Variants in MDGA2 observed in about 807,000 individuals in gnomAD.
MDGA2 encodes the protein MAM domain-containing glycosylphosphatidylinositol anchor protein 2.
A neutral mutation model predicts 117.8 loss-of-function variants in MDGA2; 40 were observed. That is an observed-to-expected ratio of 0.34 (90% CI 0.26 to 0.44). The LOEUF is 0.44. Among genes scored for constraint, MDGA2 ranks in the 20% least tolerant of loss-of-function variants. MDGA2 has a pLI of 1.00. For missense variants in MDGA2, 1,123 were observed against 1,250.6 expected, an observed-to-expected ratio of 0.90 and a Z score of 1.54; for synonymous variants, 452 against 439.0, an observed-to-expected ratio of 1.03 and a Z score of -0.37.
chr14:47,287,710 C>T (rs1195205810), intron 2 of MDGA2, among the ~76,000 whole-genome samples: 2 of 152,054 alleles, frequency 1.3e-5, no homozygotes, highest in Non-Finnish European at 2.9e-5. Flanking sequence ...TGATTATGTG[C>T]CCCTAAAGCA....
intron 8 of MDGA2, among the ~76,000 whole-genome samples, chr14:47,029,465 C>T (rs1330174728): frequency 1.3e-5 from 2 of 152,142 alleles, no homozygotes; most frequent in Non-Finnish European, 2.9e-5. Flanking sequence ...TAACATCTGT[C>T]TTTGGTTTTT....
intron 1 of MDGA2, among the ~76,000 whole-genome samples, chr14:47,467,100 C>A (rs1279991239): frequency 6.6e-6 from 1 of 152,032 alleles, no homozygotes; most frequent in Non-Finnish European, 1.5e-5. Context: ...GAACCAGAAT[C>A]ATAAATTACT....
chr14:47,314,074 A>G (rs1400727021), intron 1 of MDGA2, among the ~76,000 whole-genome samples: 5 of 152,292 alleles, frequency 3.3e-5, no homozygotes, highest in East Asian at 1.9e-4. Flanking sequence ...TGTGAAGTGT[A>G]TAGAGATTGA....
At chr14:47,212,623 T>G (rs755025115) in intron 3 of MDGA2, among the ~76,000 whole-genome samples, 4 of 152,176 alleles carry the variant, frequency 2.6e-5, no homozygotes, top group Non-Finnish European at 5.9e-5. Flanking sequence ...ATTGTCTTAC[T>G]GATTTCTTCT....
intron 2 of MDGA2, among the ~76,000 whole-genome samples, chr14:47,255,147 C>A (rs185549772): frequency 5.3e-5 from 8 of 152,152 alleles, no homozygotes; most frequent in Admixed American, 1.3e-4. Flanking sequence ...TTTAATTTTG[C>A]AAGAAAACAG....
intron 7 of MDGA2, among the ~76,000 whole-genome samples, chr14:47,041,677 T>C (rs1889076299): frequency 6.6e-6 from 1 of 152,028 alleles, no homozygotes. Context: ...TGCTTTTCTG[T>C]CAACTTTTCC....
rs557379157 is a variant in MDGA2, at chr14:47,030,108, G to T, written c.1819+4903C>A. On this transcript the variant is annotated intron_variant, in intron 8 of 16. Transcript: ENST00000399232. ...CCCAGAGCGCTGGGATTACAGGTGT[G>T]AGCCACCCCCCGCCCACATATCCTG... 5.9e-5 allele frequency among the ~76,000 whole-genome samples: 9 copies of T among 152,108 alleles called. No individual in the cohort carries two copies. In the East Asian group the frequency reaches 1.7e-3, roughly 30 times the overall value.
At chr14:47,528,221 C>T (rs547925538) in intron 1 of MDGA2, among the ~76,000 whole-genome samples, 5 of 152,272 alleles carry the variant, frequency 3.3e-5, no homozygotes, top group Admixed American at 2.6e-4. Flanking sequence ...TACCTAAACA[C>T]GGCACTGCTA....
rs1566530341 is a variant in MDGA2, at chr14:46,929,634, TATATATATATATACA to T, written c.2090-9489_2090-9475del. Reference sequence around the variant, plus strand: ...ATATATATATATATATATATATATATATATATATATATACATTTTTTTTTTTTTTTTTTCGAGATG... The same window carrying T: ...ATATATATATATATATATATATATATTTTTTTTTTTTTTTTTTTCGAGATG... On this transcript the variant is annotated intron_variant, in intron 9 of 16. Coordinates refer to ENST00000399232, the MANE Select transcript of MDGA2 (RefSeq NM_001113498.3). Among the ~76,000 whole-genome samples the T allele has an allele frequency of 6.2e-3, 248 of 40,086 alleles. 12 individuals are homozygous for T. Among genetic ancestry groups the T allele is most frequent in the Non-Finnish European group, 8.6e-3 (175 of 20,358 alleles). The allele number at this position is 40,086 out of a possible 152,430, so 26.3% of individuals were successfully genotyped here. A position where few individuals can be genotyped will look rare whatever the true frequency, so the allele number is the denominator to read the frequency against.
At chr14:46,993,351 A>G (rs762081346) in intron 8 of MDGA2, among the ~76,000 whole-genome samples, 6 of 152,260 alleles carry the variant, frequency 3.9e-5, no homozygotes, top group Non-Finnish European at 8.8e-5. Flanking sequence ...TTGGTTCTCA[A>G]TTGTTCATAA....
chr14:47,389,278 T>C (rs1430067848), intron 1 of MDGA2, among the ~76,000 whole-genome samples: 2 of 152,186 alleles, frequency 1.3e-5, no homozygotes, highest in African/African-American at 4.8e-5. Context: ...ATGGTCAAAA[T>C]ATAGGTGTGA....
chr14:46,995,988 A>G (rs1331370603), intron 8 of MDGA2, among the ~76,000 whole-genome samples: 1 of 152,074 alleles, frequency 6.6e-6, no homozygotes, highest in African/African-American at 2.4e-5. Context: ...GCACTGGTCT[A>G]TATCCAGTGG....
intron 1 of MDGA2, among the ~76,000 whole-genome samples, chr14:47,354,552 C>T (rs1449217464): frequency 2.6e-5 from 4 of 152,204 alleles, no homozygotes; most frequent in Non-Finnish European, 5.9e-5. Context: ...TGTGCCTGTG[C>T]TGCCGCTACT....
chr14:47,055,881 C>G (rs184675790), intron 7 of MDGA2, among the ~76,000 whole-genome samples: 4 of 152,164 alleles, frequency 2.6e-5, no homozygotes, highest in East Asian at 1.9e-4. Flanking sequence ...CAGCCCTTTA[C>G]GAAATGTTTG....
intron 10 of MDGA2, among the ~76,000 whole-genome samples, chr14:46,901,599 A>G (rs1358148865): frequency 1.3e-5 from 2 of 152,226 alleles, no homozygotes; most frequent in Admixed American, 6.5e-5. Flanking sequence ...AGTACCAGAC[A>G]TTGAGGATAA....
chr14:47,246,984 C>G (rs540315126), intron 2 of MDGA2, among the ~76,000 whole-genome samples: 1 of 151,738 alleles, frequency 6.6e-6, no homozygotes, highest in Non-Finnish European at 1.5e-5. Flanking sequence ...CTATATTGTG[C>G]GATCCTCAGT....
chr14:46,969,594 GTTGT>G (rs904432999), intron 8 of MDGA2, among the ~76,000 whole-genome samples: 31 of 151,884 alleles, frequency 2.0e-4, no homozygotes, highest in African/African-American at 4.6e-4. Flanking sequence ...TGTTGATGGG[GTTGT>G]TTGTTTTTTT....
chr14:47,413,696 C>A (rs926533080), intron 1 of MDGA2, among the ~76,000 whole-genome samples: 1 of 146,456 alleles, frequency 6.8e-6, no homozygotes, highest in African/African-American at 2.5e-5. Context: ...TTTGAGAAAA[C>A]AAAGACACTT....
intron 5 of MDGA2, among the ~76,000 whole-genome samples, chr14:47,104,093 G>A (rs903633375): frequency 6.6e-6 from 1 of 152,138 alleles, no homozygotes; most frequent in Admixed American, 6.5e-5. Context: ...GCTTGACTGG[G>A]ATATTTATGT....
Sources: gnomAD v4.1 joint callset for allele counts (sites outside exome capture counted in the v4.1 genomes callset) on GRCh38, gnomAD v4.1.1 for gene constraint, MANE v1.5 for transcripts, NCBI Gene and HGNC (gene_info 2026-07-23, HGNC 2026-07-21) for gene names.